Variants in DGKI observed in about 807,000 individuals in gnomAD.
DGKI encodes diacylglycerol kinase iota.
In DGKI, 55 loss-of-function variants were observed where a neutral mutation model predicts 147.5. That is an observed-to-expected ratio of 0.37 (90% CI 0.30 to 0.47). DGKI has a LOEUF of 0.47. Ranked by LOEUF, DGKI falls within the 20% of genes least tolerant of loss-of-function variation. The probability of loss-of-function intolerance (pLI) is 1.00; values close to 1 mark genes in which losing one functional copy is unlikely to be tolerated. For missense variants in DGKI, 1,007 were observed against 1,323.8 expected (o/e 0.76, Z 3.71); for synonymous variants, 469 against 477.1 (o/e 0.98, Z 0.22).
chr7:137,572,737 C>A, intron 18 of DGKI, 28 bp downstream of exon 18: 1 of 1,513,634 alleles, frequency 6.6e-7, no homozygotes, highest in African/African-American at 1.4e-5. Flanking sequence ...TCACGTCAAA[C>A]CAAGGAAACA....
At chr7:137,458,407 T>C (rs1814289008) in intron 27 of DGKI, among the ~76,000 whole-genome samples, 1 of 152,184 alleles carries the variant, frequency 6.6e-6, no homozygotes, top group African/African-American at 2.4e-5. Flanking sequence ...CAAGATATTA[T>C]TTGTGTGACA....
intron 1 of DGKI, chr7:137,722,389 C>T (rs1460603664): frequency 6.2e-7 from 1 of 1,612,426 alleles, no homozygotes; most frequent in Admixed American, 1.7e-5. Context: ...ACCCTTCAGT[C>T]AGCACGTGAG....
chr7:137,791,792 G>A (rs893427071), intron 1 of DGKI, among the ~76,000 whole-genome samples: 1 of 152,174 alleles, frequency 6.6e-6, no homozygotes, highest in African/African-American at 2.4e-5. Flanking sequence ...TTAGGGGTGG[G>A]TGAAGAAATG....
intron 23 of DGKI, among the ~76,000 whole-genome samples, chr7:137,472,405 ATG>A (rs1491372443): frequency 1.5e-5 from 2 of 135,624 alleles, no homozygotes; most frequent in Non-Finnish European, 3.1e-5. Flanking sequence ...TAATTATTAT[ATG>A]TATATATACA....
At chr7:137,808,803 T>C (rs1797463395) in intron 1 of DGKI, among the ~76,000 whole-genome samples, 1 of 152,146 alleles carries the variant, frequency 6.6e-6, no homozygotes, top group Admixed American at 6.5e-5. Context: ...ACCATGAGGA[T>C]GTCAAAGATC....
intron 27 of DGKI, among the ~76,000 whole-genome samples, chr7:137,456,410 C>T (rs1814208685): frequency 1.3e-5 from 2 of 152,114 alleles, no homozygotes; most frequent in Non-Finnish European, 2.9e-5. Context: ...TTTGGTTTGA[C>T]AAAGCACCTT....
intron 28 of DGKI, among the ~76,000 whole-genome samples, chr7:137,424,705 G>A (rs188728130): frequency 2.0e-5 from 3 of 152,286 alleles, no homozygotes; most frequent in East Asian, 1.9e-4. Flanking sequence ...CTTTTCCAAC[G>A]GGCTTAAAAA....
intron 23 of DGKI, among the ~76,000 whole-genome samples, chr7:137,470,249 G>T (rs1238929858): frequency 6.6e-6 from 1 of 152,136 alleles, no homozygotes; most frequent in Non-Finnish European, 1.5e-5. Flanking sequence ...ACAGCAATGT[G>T]CTCATTCACC....
At chr7:137,578,195 G>T in intron 16 of DGKI, 75 bp downstream of exon 16, 1 of 1,018,998 alleles carries the variant, frequency 9.8e-7, no homozygotes, top group Non-Finnish European at 1.5e-6. Context: ...TTCTCATGTA[G>T]TTTGCAACTT....
At chr7:137,766,770 G>GT (rs1796027833) in intron 1 of DGKI, among the ~76,000 whole-genome samples, 3 of 152,138 alleles carry the variant, frequency 2.0e-5, no homozygotes, top group Admixed American at 6.5e-5. Context: ...ATGGGTAAAC[G>GT]TGAGTCTGAA....
At chr7:137,498,528 A>G (rs1816053165) in intron 21 of DGKI, among the ~76,000 whole-genome samples, 1 of 152,144 alleles carries the variant, frequency 6.6e-6, no homozygotes. Flanking sequence ...AAGAATCTAC[A>G]AGCTTATAGA....
intron 19 of DGKI, among the ~76,000 whole-genome samples, chr7:137,565,402 T>C (rs936475135): frequency 2.6e-5 from 4 of 152,142 alleles, no homozygotes; most frequent in Non-Finnish European, 4.4e-5. Context: ...ATGTATATTA[T>C]CAAAATAAGC....
chr7:137,485,782 G>T (rs2128935704), intron 22 of DGKI, among the ~76,000 whole-genome samples: 1 of 152,198 alleles, frequency 6.6e-6, no homozygotes, highest in South Asian at 2.1e-4. Flanking sequence ...GGCTTGTGAA[G>T]AAGGCTTTGG....
intron 1 of DGKI, among the ~76,000 whole-genome samples, chr7:137,778,915 A>G (rs181953505): frequency 4.6e-5 from 7 of 152,362 alleles, no homozygotes; most frequent in Admixed American, 2.0e-4. Flanking sequence ...CTGGCTAAAA[A>G]ATAAACTATA....
chr7:137,561,214 T>C (rs1818408795), intron 19 of DGKI, among the ~76,000 whole-genome samples: 1 of 152,046 alleles, frequency 6.6e-6, no homozygotes, highest in Non-Finnish European at 1.5e-5. Context: ...AAATGTAGTA[T>C]GTATACACAA....
At chr7:137,616,040 TAAAGA>T (rs1179732003) in intron 8 of DGKI, among the ~76,000 whole-genome samples, 5 of 152,104 alleles carry the variant, frequency 3.3e-5, no homozygotes, top group Non-Finnish European at 5.9e-5. Flanking sequence ...TGAAGCCCAC[TAAAGA>T]AAAGACTACT....
At chr7:137,494,514 T>C (rs954790853) in intron 21 of DGKI, among the ~76,000 whole-genome samples, 4 of 152,194 alleles carry the variant, frequency 2.6e-5, no homozygotes, top group African/African-American at 9.6e-5. Flanking sequence ...TAGGGGCCTA[T>C]ATTCAGCATT....
chr7:137,480,434 G>A (rs1280297571), intron 23 of DGKI, among the ~76,000 whole-genome samples: 1 of 152,170 alleles, frequency 6.6e-6, no homozygotes, highest in Non-Finnish European at 1.5e-5. Context: ...TAAAGAGAAA[G>A]GGGATGAATG....
At chr7:137,533,203 C>T (rs527720231) in intron 20 of DGKI, among the ~76,000 whole-genome samples, 1 of 151,998 alleles carries the variant, frequency 6.6e-6, no homozygotes, top group Non-Finnish European at 1.5e-5. Context: ...GCGGGAGGAT[C>T]ACTTGAACTC....
Sources: allele counts gnomAD v4.1 joint callset (sites outside exome capture counted in the v4.1 genomes callset), GRCh38; gene constraint gnomAD v4.1.1; transcripts MANE v1.5; gene names NCBI Gene and HGNC (gene_info 2026-07-23, HGNC 2026-07-21).